The following NLGN1 variants were observed in gnomAD, a reference collection of about 807,000 sequenced individuals.
The protein encoded by NLGN1 is neuroligin 1.
A neutral mutation model predicts 65.5 loss-of-function variants in NLGN1; 12 were observed. That is an observed-to-expected ratio of 0.18 (90% CI 0.12 to 0.30). The LOEUF (loss-of-function observed/expected upper bound fraction) is 0.30. NLGN1 is among the 10% of genes least tolerant of loss of function. The probability of loss-of-function intolerance (pLI) is 1.00; values close to 1 mark genes in which losing one functional copy is unlikely to be tolerated. For missense variants in NLGN1, 750 were observed against 1,007.1 expected, an observed-to-expected ratio of 0.74 and a Z score of 3.46; for synonymous variants, 350 against 359.5, an observed-to-expected ratio of 0.97 and a Z score of 0.30.
chr3:173,405,485 A>C (rs563778440), intron 1 of NLGN1, among the ~76,000 whole-genome samples: 1 of 152,228 alleles, frequency 6.6e-6, no homozygotes, highest in South Asian at 2.1e-4. Context: ...TGTCAGAGTC[A>C]ATGAAATATG....
At chr3:174,131,353 T>A (rs1312345434) in intron 4 of NLGN1, among the ~76,000 whole-genome samples, 1 of 152,168 alleles carries the variant, frequency 6.6e-6, no homozygotes, top group Admixed American at 6.5e-5. Context: ...TCACACATAG[T>A]CCTTAGTTCC....
chr3:174,180,011 G>T (rs528821204), intron 4 of NLGN1, among the ~76,000 whole-genome samples: 11 of 152,126 alleles, frequency 7.2e-5, no homozygotes, highest in African/African-American at 2.6e-4. Context: ...ATCCCAAGCT[G>T]GTTCAGTAAG....
chr3:173,505,298 C>T (rs1010509171), intron 2 of NLGN1, among the ~76,000 whole-genome samples: 1 of 152,104 alleles, frequency 6.6e-6, no homozygotes, highest in Non-Finnish European at 1.5e-5. Flanking sequence ...CCCTACCTGG[C>T]TTACAGCATT....
intron 4 of NLGN1, among the ~76,000 whole-genome samples, chr3:174,175,406 T>G (rs554781142): frequency 6.6e-6 from 1 of 152,102 alleles, no homozygotes; most frequent in South Asian, 2.1e-4. Context: ...TCTCTTCTTA[T>G]AGTTTTGTCT....
intron 4 of NLGN1, among the ~76,000 whole-genome samples, chr3:174,269,174 G>A (rs1748863181): frequency 6.6e-6 from 1 of 151,480 alleles, no homozygotes. Context: ...TATTATTATA[G>A]TAAAAAAATT....
chr3:173,994,070 A>G (rs1721727168), intron 4 of NLGN1, among the ~76,000 whole-genome samples: 1 of 152,090 alleles, frequency 6.6e-6, no homozygotes, highest in African/African-American at 2.4e-5. Flanking sequence ...ACTTTTATGG[A>G]AAAATAACCT....
intron 4 of NLGN1, among the ~76,000 whole-genome samples, chr3:173,847,610 ATGTAT>A (rs1726033241): frequency 6.6e-6 from 1 of 152,168 alleles, no homozygotes; most frequent in Non-Finnish European, 1.5e-5. Context: ...ATATTTTAAA[ATGTAT>A]TGTATTATTA....
At chr3:174,090,166 AAAAG>A (rs1422696738) in intron 4 of NLGN1, among the ~76,000 whole-genome samples, 16 of 152,148 alleles carry the variant, frequency 1.1e-4, no homozygotes, top group African/African-American at 3.4e-4. Flanking sequence ...TTAAATAGAA[AAAAG>A]AAAGAAAAAG....
Position 173,453,784 on chromosome 3 carries a change from C to A in NLGN1, c.-321+18706C>A, listed in dbSNP as rs543900100. Among the ~76,000 whole-genome samples, 139 of 152,262 alleles carry A rather than the reference C, an allele frequency of 9.1e-4. 1 individual carries two copies. The highest frequency in any genetic ancestry group is 8.9e-3 in the South Asian group (43 of 4,822). On this transcript the variant is annotated intron_variant, in intron 2 of 6. Coordinates refer to ENST00000457714, the Ensembl canonical transcript of NLGN1. ...TTACTTCCTCCACTGAAGACTTGAC[C>A]TCTCAAAGTCATCCATGAGGGTTAG... is the stretch of plus-strand genomic sequence containing the variant.
chr3:173,895,080 G>T (rs957979781), intron 4 of NLGN1, among the ~76,000 whole-genome samples: 14 of 152,286 alleles, frequency 9.2e-5, no homozygotes, highest in South Asian at 2.1e-4. Context: ...TGCCGGGAGG[G>T]GGGGAGTTGT....
At chr3:174,218,429 A>T (rs2152802743) in intron 4 of NLGN1, among the ~76,000 whole-genome samples, 2 of 152,200 alleles carry the variant, frequency 1.3e-5, no homozygotes, top group South Asian at 4.1e-4. Context: ...TCAGTCATAA[A>T]TATTTCTTGA....
chr3:173,491,163 G>A (rs1393411566), intron 2 of NLGN1, among the ~76,000 whole-genome samples: 1 of 151,826 alleles, frequency 6.6e-6, no homozygotes, highest in Non-Finnish European at 1.5e-5. Context: ...GGGCATCCCT[G>A]TCTTGTGCCA....
At chr3:174,060,379 A>G (rs1280151638) in intron 4 of NLGN1, among the ~76,000 whole-genome samples, 2 of 151,910 alleles carry the variant, frequency 1.3e-5, no homozygotes, top group African/African-American at 4.8e-5. Flanking sequence ...AGGAAAAGAG[A>G]AAATGGGAAG....
At chr3:173,567,201 A>G (rs1743831711) in intron 2 of NLGN1, among the ~76,000 whole-genome samples, 1 of 152,112 alleles carries the variant, frequency 6.6e-6, no homozygotes, top group Non-Finnish European at 1.5e-5. Flanking sequence ...GTAAGTTTCT[A>G]TTACTGCATT....
At chr3:173,926,298 A>G (rs1742992171) in intron 4 of NLGN1, among the ~76,000 whole-genome samples, 1 of 152,326 alleles carries the variant, frequency 6.6e-6, no homozygotes, top group South Asian at 2.1e-4. Flanking sequence ...TTTACTAATT[A>G]TGATTTAAGT....
At chr3:173,952,642 T>C (rs1431160872) in intron 4 of NLGN1, among the ~76,000 whole-genome samples, 1 of 152,204 alleles carries the variant, frequency 6.6e-6, no homozygotes, top group Admixed American at 6.5e-5. Context: ...AATCAGTCTA[T>C]ATGTACAACA....
At chr3:174,133,519 AATTTTG>A (rs1720605852) in intron 4 of NLGN1, among the ~76,000 whole-genome samples, 1 of 152,090 alleles carries the variant, frequency 6.6e-6, no homozygotes, top group Non-Finnish European at 1.5e-5. Context: ...AATCAGATAC[AATTTTG>A]GCTTTTGTTG....
chr3:174,016,799 T>C (rs1429668665), intron 4 of NLGN1, among the ~76,000 whole-genome samples: 1 of 152,150 alleles, frequency 6.6e-6, no homozygotes, highest in East Asian at 1.9e-4. Flanking sequence ...TGAAGCCACA[T>C]AGCAGCCAAG....
At chr3:173,484,047 A>G (rs144580721) in intron 2 of NLGN1, among the ~76,000 whole-genome samples, 1 of 152,214 alleles carries the variant, frequency 6.6e-6, no homozygotes, top group Non-Finnish European at 1.5e-5. Context: ...ATGTTTAACT[A>G]CAGATGTTTC....
Sources: allele counts gnomAD v4.1 joint callset (sites outside exome capture counted in the v4.1 genomes callset), GRCh38; gene constraint gnomAD v4.1.1; transcripts MANE v1.5; gene names NCBI Gene and HGNC (gene_info 2026-07-23, HGNC 2026-07-21).